RILPL1: variants seen among roughly 807,000 people sequenced by gnomAD.
RILPL1 encodes Rab interacting lysosomal protein like 1.
Under a neutral mutation model 50.3 loss-of-function variants are expected in RILPL1, and 33 were observed. The observed-to-expected ratio is 0.66, with a 90% CI of 0.50 to 0.88. The LOEUF is 0.88. RILPL1 is among the 40% of genes least tolerant of loss of function. RILPL1 has a pLI of 0.00. For missense variants in RILPL1, 418 were observed against 542.5 expected (o/e 0.77, Z 2.28); for synonymous variants, 205 against 228.6 (o/e 0.90, Z 0.93).
In RILPL1 at chr12:123,471,661, C is replaced by A. The variant is rs1050892934; in HGVS notation, c.*877G>T. 2 of 152,442 alleles carry A rather than the reference C, an allele frequency of 1.3e-5. No homozygotes were observed. Among genetic ancestry groups the A allele is most frequent in the Admixed American group, 6.5e-5 (1 of 15,280 alleles). 9.4% of individuals were successfully genotyped at this position (152,442 alleles called of 1,614,324 possible). A position where few individuals can be genotyped will look rare whatever the true frequency, so the allele number is the denominator to read the frequency against. ...CACCCTTGTTCTGCTACAGCTCCCC[C>A]ACCTGCCCTCCTGCATTGCCTAGGA... On this transcript the variant is annotated 3_prime_UTR_variant, in exon 7 of 7. Coordinates refer to ENST00000376874, the MANE Select transcript of RILPL1 (RefSeq NM_178314.5).
At chr12:123,513,097 TGTCTGTGTGGTGGC>T (rs1884470227) in intron 2 of RILPL1, among the ~76,000 whole-genome samples, 3 of 148,378 alleles carry the variant, frequency 2.0e-5, no homozygotes, top group African/African-American at 7.6e-5. Context: ...AGTGCGTGTA[TGTCTGTGTGGTGGC>T]GTCTGTGTGT....
At position 123,501,443 on chromosome 12, in the gene RILPL1, A is replaced by AAAACAAACAAACAAAC. The variant is rs34227751; in HGVS notation, c.461-1923_461-1908dup. ...CCTGGGTGACAGAAGACCCTGTCTC[A>AAAACAAACAAACAAAC]AAACAAACAAACAAACAAACAAACA... On this transcript the variant is annotated intron_variant, in intron 2 of 6. Coordinates refer to ENST00000376874, the MANE Select transcript of RILPL1 (RefSeq NM_178314.5). Among the ~76,000 whole-genome samples, 26 of 149,828 alleles carry AAAACAAACAAACAAAC rather than the reference A, an allele frequency of 1.7e-4. 2 individuals are homozygous for AAAACAAACAAACAAAC. Among genetic ancestry groups the AAAACAAACAAACAAAC allele is most frequent in the African/African-American group, 6.5e-4 (26 of 40,112 alleles).
intron 2 of RILPL1, among the ~76,000 whole-genome samples, chr12:123,510,128 G>A (rs1314139857): frequency 1.3e-5 from 2 of 152,222 alleles, no homozygotes; most frequent in African/African-American, 4.8e-5. Context: ...CGGCAACCAA[G>A]CCGGGCCCCC....
intron 2 of RILPL1, chr12:123,513,994 G>A (rs938133228): frequency 6.6e-6 from 1 of 152,212 alleles, no homozygotes; most frequent in African/African-American, 2.4e-5. Context: ...CGAAAACACT[G>A]AGATAGACTG....
chr12:123,525,588 C>A (rs2139388934), intron 1 of RILPL1, among the ~76,000 whole-genome samples: 1 of 150,244 alleles, frequency 6.7e-6, no homozygotes, highest in South Asian at 2.1e-4. Context: ...GTAATCCCAG[C>A]TACTCAGGAG....
At chr12:123,480,686 C>T (rs1055464368) in intron 6 of RILPL1, among the ~76,000 whole-genome samples, 3 of 151,920 alleles carry the variant, frequency 2.0e-5, no homozygotes, top group Non-Finnish European at 1.5e-5. Flanking sequence ...GGAGTTTAAG[C>T]AAAGCCAGTC....
At position 123,498,072 on chromosome 12, in the gene RILPL1, G is replaced by C. The variant is rs1883143234; in HGVS notation, c.801+472C>G. On this transcript the variant is annotated intron_variant, in intron 4 of 6. Transcript: ENST00000376874. The surrounding 1 kb of genome is among the most constrained non-coding windows in gnomAD (Gnocchi z 4.3). Reference sequence around the variant, plus strand: ...GCCGGCTACACAGTCAACAATCATTGGTATGAATGAATAAATAAATGGCAG... The same window carrying C: ...GCCGGCTACACAGTCAACAATCATTCGTATGAATGAATAAATAAATGGCAG... 6.6e-6 allele frequency among the ~76,000 whole-genome samples: 1 copy of C among 152,124 alleles called. No homozygotes were observed. Among genetic ancestry groups the C allele is most frequent in the Non-Finnish European group, 1.5e-5 (1 of 68,022 alleles).
rs373514624 is a variant in RILPL1, at chr12:123,503,186, C to CTTTTTTTTTTT, written c.461-3661_461-3651dup. Among the ~76,000 whole-genome samples, 7 of 80,740 alleles carry CTTTTTTTTTTT rather than the reference C, an allele frequency of 8.7e-5. 1 individual carries two copies. Among genetic ancestry groups the CTTTTTTTTTTT allele is most frequent in the Non-Finnish European group, 1.6e-4 (7 of 43,340 alleles). The allele number at this position is 80,740 out of a possible 152,430, so 53.0% of individuals were successfully genotyped here. On this transcript the variant is annotated intron_variant, in intron 2 of 6. Transcript: ENST00000376874. ...ACAGGCGTGAACCACCACGCCTGGC[C>CTTTTTTTTTTT]TTTTTTTTTTTTTTTTTTTTTTTTT... is the stretch of plus-strand genomic sequence containing the variant.
intron 1 of RILPL1, among the ~76,000 whole-genome samples, chr12:123,530,329 C>T (rs555616061): frequency 2.6e-5 from 4 of 152,260 alleles, no homozygotes; most frequent in Admixed American, 6.5e-5. Context: ...CCATGCCCGG[C>T]TAATTTTTGT....
intron 6 of RILPL1, among the ~76,000 whole-genome samples, chr12:123,482,775 G>T (rs1194777972): frequency 6.6e-6 from 1 of 151,412 alleles, no homozygotes; most frequent in African/African-American, 2.4e-5. Flanking sequence ...GCTAATTTTT[G>T]TATTTTTTGT....
At chr12:123,520,254 A>G (rs1274221154) in intron 2 of RILPL1, among the ~76,000 whole-genome samples, 1 of 152,198 alleles carries the variant, frequency 6.6e-6, no homozygotes, top group Non-Finnish European at 1.5e-5. Context: ...TATGATTCAG[A>G]CAATTCGGAC....
intron 2 of RILPL1, among the ~76,000 whole-genome samples, chr12:123,523,143 T>C (rs1250977648): frequency 6.6e-6 from 1 of 152,148 alleles, no homozygotes; most frequent in Non-Finnish European, 1.5e-5. Flanking sequence ...CTATGGTGTC[T>C]GTGTGTTTAC....
intron 2 of RILPL1, among the ~76,000 whole-genome samples, chr12:123,507,854 T>A (rs1287057881): frequency 1.4e-5 from 2 of 144,792 alleles, no homozygotes; most frequent in African/African-American, 5.2e-5. Flanking sequence ...GGCAGGATAA[T>A]CACTTGAACC....
chr12:123,473,830 GAA>G (rs1365423357), intron 6 of RILPL1: 1 of 113,590 alleles, frequency 8.8e-6, no homozygotes, highest in Non-Finnish European at 2.0e-5. Flanking sequence ...AAAAAAGAAA[GAA>G]AAAAACAAAA....
At chr12:123,524,053 C>T (rs998769957) in intron 1 of RILPL1, among the ~76,000 whole-genome samples, 3 of 152,152 alleles carry the variant, frequency 2.0e-5, no homozygotes, top group Non-Finnish European at 2.9e-5. Context: ...CCAGAGGCCT[C>T]GAGAATCCTG....
intron 4 of RILPL1, among the ~76,000 whole-genome samples, chr12:123,497,444 G>A (rs916801619): frequency 1.3e-5 from 2 of 151,902 alleles, no homozygotes; most frequent in Admixed American, 6.6e-5. Context: ...GCTGGAGTGC[G>A]GTGGTGCAAT....
Position 123,498,064 on chromosome 12 carries a change from C to T in RILPL1, c.801+480G>A, listed in dbSNP as rs148051110. Among the ~76,000 whole-genome samples, 1 of 152,212 alleles carries T rather than the reference C, an allele frequency of 6.6e-6. No homozygotes were observed. The highest frequency in any genetic ancestry group is 6.5e-5 in the Admixed American group (1 of 15,272). ...TCCTCTGGGCCGGCTACACAGTCAACAATCATTGGTATGAATGAATAAATA... is the reference window on the plus strand; with the variant it reads ...TCCTCTGGGCCGGCTACACAGTCAATAATCATTGGTATGAATGAATAAATA... On this transcript the variant is annotated intron_variant, in intron 4 of 6. Transcript: ENST00000376874. This position sits in a 1 kb window ranked among gnomAD's most constrained non-coding sequence, Gnocchi z 4.3.
chr12:123,483,259 C>T (rs899791227), intron 6 of RILPL1, among the ~76,000 whole-genome samples: 3 of 152,244 alleles, frequency 2.0e-5, no homozygotes, highest in African/African-American at 7.2e-5. Flanking sequence ...AGAGAGCTCA[C>T]AGTGTGGGCT....
chr12:123,521,545 ATATG>A (rs1885003557), intron 2 of RILPL1, among the ~76,000 whole-genome samples: 1 of 35,150 alleles, frequency 2.8e-5, no homozygotes, highest in Non-Finnish European at 5.0e-5. Flanking sequence ...ATATGTATAT[ATATG>A]TGTGTATATA....
Sources: allele counts gnomAD v4.1 joint callset (sites outside exome capture counted in the v4.1 genomes callset), GRCh38; gene constraint gnomAD v4.1.1; non-coding constraint Gnocchi (gnomAD v3.1); transcripts MANE v1.5; gene names NCBI Gene and HGNC (gene_info 2026-07-23, HGNC 2026-07-21).